Variants in CYTIP observed in about 807,000 individuals in gnomAD.
CYTIP encodes the protein cytohesin-interacting protein.
A neutral mutation model predicts 43.8 loss-of-function variants in CYTIP; 26 were observed. The ratio of observed to expected loss-of-function variants is 0.59; its 90% CI spans 0.44 to 0.82. The LOEUF is 0.82. CYTIP is among the 40% of genes least tolerant of loss of function. CYTIP has a pLI of 0.00. For missense variants in CYTIP, 426 were observed against 443.1 expected (o/e 0.96, Z 0.35); for synonymous variants, 162 against 162.9 (o/e 0.99, Z 0.04).
intron 6 of CYTIP, 82 bp downstream of exon 6, chr2:157,427,269 T>A: frequency 8.6e-7 from 1 of 1,159,746 alleles, no homozygotes. Flanking sequence ...AAGGGCTATC[T>A]CAGTTCCTCA....
At chr2:157,416,390 A>C (rs1685440890) in intron 7 of CYTIP, among the ~76,000 whole-genome samples, 1 of 152,232 alleles carries the variant, frequency 6.6e-6, no homozygotes, top group African/African-American at 2.4e-5. Context: ...TATTAGAATA[A>C]ATTTAAACAA....
intron 1 of CYTIP, chr2:157,439,319 C>CT (rs1475036713): frequency 6.6e-6 from 1 of 152,336 alleles, no homozygotes; most frequent in Non-Finnish European, 1.5e-5. Flanking sequence ...ACAAAGCCTG[C>CT]TTGTTTTTGA....
Position 157,434,755 on chromosome 2 carries a change from A to T in CYTIP, c.175-8T>A. 1 of 1,609,522 alleles carries T rather than the reference A, an allele frequency of 6.2e-7. No homozygotes were observed. The highest frequency in any genetic ancestry group is 8.5e-7 in the Non-Finnish European group (1 of 1,177,132). ...TGATCTGGTCAAAGCAAGCTGAAAAACACAAAAGACATATAGTTATCCCAG... is the reference window on the plus strand; with the variant it reads ...TGATCTGGTCAAAGCAAGCTGAAAATCACAAAAGACATATAGTTATCCCAG... On this transcript the variant is annotated splice_polypyrimidine_tract_variant and splice_region_variant and intron_variant, in intron 1 of 7. Transcript: ENST00000264192.
rs747072083 is a variant in CYTIP, at chr2:157,430,572, C to T, written c.463G>A (p.Gly155Arg). The T allele has an allele frequency of 1.4e-5, 22 of 1,614,036 alleles. No homozygotes were observed. The highest frequency in any genetic ancestry group is 4.5e-5 in the East Asian group (2 of 44,882). Residue 155 changes from glycine (G) to arginine (R), a missense_variant, in exon 5 of 8, where the codon GGA (glycine) becomes AGA (arginine). Coordinates refer to ENST00000264192, the MANE Select transcript of CYTIP (RefSeq NM_004288.5). ...KQVVDLIRSS[G>R]NLLTIETLNG... ...ACAGATAGTTACGTTAGCAGGTTTC[C>T]GGACGATCTGATCAGGTCAACGACT... is the stretch of plus-strand genomic sequence containing the variant.
Position 157,443,837 on chromosome 2 carries a change from GC to G in CYTIP, c.174+9del, listed in dbSNP as rs1388440961. 1.9e-6 allele frequency: 3 copies of G among 1,613,598 alleles called. No homozygotes were observed. The Admixed American group carries it at 5.0e-5, about 27-fold the overall frequency. ...TGAACACTCTAAAGGGTACAAAATA[GC>G]AATCATACCTGCTTTCGTCCCCGAG... is the stretch of plus-strand genomic sequence containing the variant. On this transcript the variant is annotated intron_variant, in intron 1 of 7. Coordinates refer to ENST00000264192, the MANE Select transcript of CYTIP (RefSeq NM_004288.5).
chr2:157,432,296 G>A (rs1322749342), intron 3 of CYTIP, among the ~76,000 whole-genome samples: 1 of 152,166 alleles, frequency 6.6e-6, no homozygotes, highest in East Asian at 1.9e-4. Context: ...AAATATGGTA[G>A]TTAGAAATAG....
At chr2:157,427,465 A>C in intron 5 of CYTIP, 45 bp from the exon 6 acceptor site, 3 of 1,416,876 alleles carry the variant, frequency 2.1e-6, no homozygotes, top group Non-Finnish European at 2.9e-6. Flanking sequence ...GGGAGTGAGT[A>C]ACATGAGTGA....
At chr2:157,439,639 G>A (rs1685872557) in intron 1 of CYTIP, among the ~76,000 whole-genome samples, 1 of 152,096 alleles carries the variant, frequency 6.6e-6, no homozygotes, top group South Asian at 2.1e-4. Flanking sequence ...AGCATATGCT[G>A]GCAACAGCTG....
At chr2:157,430,771 GCAACAAATACATCC>G in intron 4 of CYTIP, 75 bp downstream of exon 4, 3 of 1,464,736 alleles carry the variant, frequency 2.0e-6, no homozygotes, top group Non-Finnish European at 2.8e-6. Context: ...AAAACTCAAA[GCAACAAATACATCC>G]TGACCTTCAC....
intron 5 of CYTIP, among the ~76,000 whole-genome samples, chr2:157,429,886 G>A (rs1241340943): frequency 6.6e-6 from 1 of 152,046 alleles, no homozygotes; most frequent in Non-Finnish European, 1.5e-5. Context: ...AGCCGGGCAT[G>A]GTGGTGGGCG....
At chr2:157,431,430 T>C (rs1685713361) in intron 3 of CYTIP, among the ~76,000 whole-genome samples, 1 of 152,166 alleles carries the variant, frequency 6.6e-6, no homozygotes, top group Non-Finnish European at 1.5e-5. Context: ...CTGCACATAA[T>C]GACAATCTGC....
chr2:157,430,795 C>T lies in CYTIP; in HGVS notation c.382+65G>A, dbSNP rs1244768347. The T allele has an allele frequency of 1.7e-5, 25 of 1,504,932 alleles. No homozygotes were observed. The South Asian group carries it at 1.8e-4, about 11-fold the overall frequency. 93.2% of individuals were successfully genotyped at this position (1,504,932 alleles called of 1,614,324 possible). A position where few individuals can be genotyped will look rare whatever the true frequency, so the allele number is the denominator to read the frequency against. On this transcript the variant is annotated intron_variant, in intron 4 of 7. Coordinates refer to ENST00000264192, the MANE Select transcript of CYTIP (RefSeq NM_004288.5). Reference sequence around the variant, plus strand: ...AGCAACAAATACATCCTGACCTTCACTCTCAAAACATTTTATTTTCTTTCC... The same window carrying T: ...AGCAACAAATACATCCTGACCTTCATTCTCAAAACATTTTATTTTCTTTCC...
intron 1 of CYTIP, among the ~76,000 whole-genome samples, chr2:157,439,788 G>C (rs764241894): frequency 6.6e-6 from 1 of 152,238 alleles, no homozygotes; most frequent in Middle Eastern, 3.2e-3. Context: ...GATACCTAGG[G>C]TTGGGCTTAT....
chr2:157,427,132 T>C (rs77210152), intron 6 of CYTIP, among the ~76,000 whole-genome samples: 373 of 152,286 alleles, frequency 2.4e-3, no homozygotes, highest in Non-Finnish European at 4.0e-3. Flanking sequence ...CTGAGCCTCA[T>C]AGACACACAG....
intron 1 of CYTIP, among the ~76,000 whole-genome samples, chr2:157,435,408 GGAAGAC>G (rs1362035851): frequency 6.6e-6 from 1 of 152,058 alleles, no homozygotes; most frequent in Non-Finnish European, 1.5e-5. Flanking sequence ...TAATAGTTTT[GGAAGAC>G]TAACGTGAAA....
In CYTIP at chr2:157,415,870, C is replaced by A; in HGVS notation, c.887G>T (p.Arg296Met). 6.2e-7 allele frequency: 1 copy of A among 1,614,182 alleles called. No homozygotes were observed. Among genetic ancestry groups the A allele is most frequent in the Non-Finnish European group, 8.5e-7 (1 of 1,180,024 alleles). ...IPKEGDDFLR[R>M]SSSRRNRSIS... ...GCTCCGGTTCCTCCTTGAAGATGAC[C>A]TCCTCAGAAAATCATCCCCCTCCTT... The change falls in exon 8 of 8, where the codon AGG becomes ATG. Residue 296 changes from arginine to methionine, a missense_variant. Physicochemically the swap from Arg to Met is moderately conservative, Grantham distance 91. Coordinates refer to ENST00000264192, the MANE Select transcript of CYTIP (RefSeq NM_004288.5).
intron 1 of CYTIP, among the ~76,000 whole-genome samples, chr2:157,438,170 A>AC (rs1685843550): frequency 6.6e-6 from 1 of 152,248 alleles, no homozygotes; most frequent in African/African-American, 2.4e-5. Flanking sequence ...TGGTATATAT[A>AC]CACCATGGAA....
At chr2:157,426,644 G>A (rs1027680739) in intron 6 of CYTIP, among the ~76,000 whole-genome samples, 1 of 152,116 alleles carries the variant, frequency 6.6e-6, no homozygotes, top group Non-Finnish European at 1.5e-5. Flanking sequence ...GCTCTGCAAG[G>A]GGGAGATTGG....
At chr2:157,435,575 G>C (rs1360944145) in intron 1 of CYTIP, among the ~76,000 whole-genome samples, 2 of 152,120 alleles carry the variant, frequency 1.3e-5, no homozygotes, top group Non-Finnish European at 2.9e-5. Context: ...ATCAACAAAA[G>C]GTGACAACTT....
Sources: allele counts gnomAD v4.1 joint callset (sites outside exome capture counted in the v4.1 genomes callset), GRCh38; gene constraint gnomAD v4.1.1; transcripts MANE v1.5; gene names NCBI Gene and HGNC (gene_info 2026-07-23, HGNC 2026-07-21).